The following LIMS1 variants were observed in gnomAD, a reference collection of about 807,000 sequenced individuals.
LIMS1 encodes the protein LIM and senescent cell antigen-like-containing domain protein 1.
In LIMS1, 18 loss-of-function variants were observed where a neutral mutation model predicts 44.1. The ratio of observed to expected loss-of-function variants is 0.41; its 90% CI spans 0.28 to 0.61. The LOEUF is 0.61. LIMS1 is among the 20% of genes least tolerant of loss of function. The pLI is 0.32. For synonymous variants in LIMS1, 93 were observed against 149.1 expected (o/e 0.62, Z 2.74); for missense variants, 201 against 422.0 (o/e 0.48, Z 4.59).
At chr2:108,602,941 A>G (rs556840477) in intron 1 of LIMS1, among the ~76,000 whole-genome samples, 5 of 151,620 alleles carry the variant, frequency 3.3e-5, no homozygotes, top group Non-Finnish European at 7.4e-5. Flanking sequence ...AATTTTTTGT[A>G]TTTTTTTGCA....
At chr2:108,589,459 A>G (rs2104678739) in intron 1 of LIMS1, among the ~76,000 whole-genome samples, 1 of 152,270 alleles carries the variant, frequency 6.6e-6, no homozygotes, top group African/African-American at 2.4e-5. Context: ...GTACCTGTTG[A>G]CAAACTCTTA....
At chr2:108,547,761 G>A (rs1294467855) in intron 1 of LIMS1, among the ~76,000 whole-genome samples, 2 of 152,142 alleles carry the variant, frequency 1.3e-5, no homozygotes, top group Non-Finnish European at 2.9e-5. Flanking sequence ...AGCATTTAAG[G>A]TCATTGCCTA....
Position 108,672,450 on chromosome 2 carries a change from G to GT in LIMS1, c.380+6dup, listed in dbSNP as rs1692230982. On this transcript the variant is annotated splice_donor_region_variant and intron_variant, in intron 4 of 9. Coordinates refer to ENST00000544547, the Ensembl canonical transcript of LIMS1. ...GTTTGTCAAGAATGCTGGGAGGTAGGTGGATTTTCATCCTTGTCAGATGTG... is the reference window on the plus strand; with the variant it reads ...GTTTGTCAAGAATGCTGGGAGGTAGGTTGGATTTTCATCCTTGTCAGATGTG... 13 of 775,972 alleles carry GT rather than the reference G, an allele frequency of 1.7e-5. No homozygotes were observed. Among genetic ancestry groups the GT allele is most frequent in the Non-Finnish European group, 2.3e-5 (12 of 523,498 alleles). The allele number at this position is 775,972 out of a possible 1,614,324, so 48.1% of individuals were successfully genotyped here.
chr2:108,543,210 C>T (rs754704596), intron 1 of LIMS1, among the ~76,000 whole-genome samples: 2 of 152,166 alleles, frequency 1.3e-5, no homozygotes, highest in African/African-American at 2.4e-5. Context: ...GTGAGAGGAT[C>T]GCTTGAGCCC....
intron 1 of LIMS1, among the ~76,000 whole-genome samples, chr2:108,561,660 C>T (rs894558346): frequency 6.6e-6 from 1 of 151,968 alleles, no homozygotes; most frequent in Non-Finnish European, 1.5e-5. Context: ...GTCTGTGTGT[C>T]ACACTTTGGT....
chr2:108,610,580 TA>T (rs1687546259), intron 1 of LIMS1, among the ~76,000 whole-genome samples: 1 of 152,198 alleles, frequency 6.6e-6, no homozygotes, highest in African/African-American at 2.4e-5. Flanking sequence ...GACATGCTAT[TA>T]CCATATCTAA....
At chr2:108,662,567 C>G (rs558863644) in intron 2 of LIMS1, 3 of 1,199,152 alleles carry the variant, frequency 2.5e-6, no homozygotes, top group South Asian at 3.3e-5. Context: ...TCATTAAAAC[C>G]AGCCCAGGGA....
chr2:108,556,081 G>A (rs969660740), intron 1 of LIMS1, among the ~76,000 whole-genome samples: 12 of 151,884 alleles, frequency 7.9e-5, no homozygotes, highest in Middle Eastern at 3.4e-3. Flanking sequence ...TTCACAATGC[G>A]ATTAAACAAT....
chr2:108,572,973 G>A (rs575518318), intron 1 of LIMS1, among the ~76,000 whole-genome samples: 2 of 152,276 alleles, frequency 1.3e-5, no homozygotes, highest in East Asian at 3.9e-4. Flanking sequence ...GGCCACATCA[G>A]ACTGAGTGTA....
At chr2:108,586,204 A>C (rs1381789328) in intron 1 of LIMS1, among the ~76,000 whole-genome samples, 2 of 152,196 alleles carry the variant, frequency 1.3e-5, no homozygotes, top group African/African-American at 4.8e-5. Flanking sequence ...AACACAAAAA[A>C]AAACAAAAAA....
intron 1 of LIMS1, among the ~76,000 whole-genome samples, chr2:108,605,027 T>G (rs1687199844): frequency 6.6e-6 from 1 of 152,204 alleles, no homozygotes; most frequent in South Asian, 2.1e-4. Context: ...CTTCCTAGCC[T>G]CACCTGCAGC....
intron 9 of LIMS1, 35 bp downstream of exon 9, chr2:108,680,805 G>A (rs1450225412): frequency 2.5e-6 from 4 of 1,590,680 alleles, no homozygotes; most frequent in Non-Finnish European, 3.4e-6. Context: ...TGAATCCTAA[G>A]ACTGAAAACT....
At chr2:108,535,243 A>G (rs1351222066) in intron 1 of LIMS1, among the ~76,000 whole-genome samples, 2 of 152,206 alleles carry the variant, frequency 1.3e-5, no homozygotes, top group African/African-American at 4.8e-5. Context: ...CTGATCTTAC[A>G]CAGATGTGTA....
At chr2:108,578,835 C>T (rs929981586) in intron 1 of LIMS1, among the ~76,000 whole-genome samples, 3 of 152,082 alleles carry the variant, frequency 2.0e-5, no homozygotes, top group Non-Finnish European at 4.4e-5. Flanking sequence ...ACCTCGTGAT[C>T]TGTCTGCCTC....
chr2:108,597,309 A>C (rs536588811), intron 1 of LIMS1, among the ~76,000 whole-genome samples: 8 of 152,298 alleles, frequency 5.3e-5, no homozygotes, highest in Non-Finnish European at 1.2e-4. Flanking sequence ...ACATGCATAG[A>C]AAGTTTTTGT....
intron 1 of LIMS1, among the ~76,000 whole-genome samples, chr2:108,537,941 A>G (rs983062083): frequency 3.3e-5 from 5 of 152,162 alleles, no homozygotes; most frequent in African/African-American, 1.2e-4. Flanking sequence ...TCTATTTTCA[A>G]TAATGTTGTG....
At chr2:108,535,187 C>T (rs563724620) in intron 1 of LIMS1, among the ~76,000 whole-genome samples, 1 of 152,328 alleles carries the variant, frequency 6.6e-6, no homozygotes, top group Admixed American at 6.5e-5. Context: ...TCTCCCATCT[C>T]CTTTGCAGTT....
intron 1 of LIMS1, among the ~76,000 whole-genome samples, chr2:108,571,699 C>T (rs977022098): frequency 6.6e-6 from 1 of 152,152 alleles, no homozygotes; most frequent in Non-Finnish European, 1.5e-5. Context: ...GTGTTTTAGA[C>T]AGTGAATCTT....
intron 1 of LIMS1, among the ~76,000 whole-genome samples, chr2:108,538,144 A>G (rs1376620991): frequency 6.6e-6 from 1 of 152,176 alleles, no homozygotes; most frequent in Non-Finnish European, 1.5e-5. Flanking sequence ...CTGTTGCCAC[A>G]TTGTCTTCCA....
Sources: gnomAD v4.1 joint callset for allele counts (sites outside exome capture counted in the v4.1 genomes callset) on GRCh38, gnomAD v4.1.1 for gene constraint, MANE v1.5 for transcripts, NCBI Gene and HGNC (gene_info 2026-07-23, HGNC 2026-07-21) for gene names.